The following ADCK1 variants were observed in gnomAD, a reference collection of about 807,000 sequenced individuals.
The protein encoded by ADCK1 is aarF domain-containing protein kinase 1.
In ADCK1, 41 loss-of-function variants were observed where a neutral mutation model predicts 52.3. The ratio of observed to expected loss-of-function variants is 0.78; its 90% CI spans 0.61 to 1.02. ADCK1 has a LOEUF of 1.02. Among genes scored for constraint, ADCK1 ranks in the 50% least tolerant of loss-of-function variants. ADCK1 has a pLI of 0.00. For synonymous variants in ADCK1, 250 were observed against 274.6 expected (o/e 0.91, Z 0.89); for missense variants, 658 against 679.5 (o/e 0.97, Z 0.35).
At chr14:77,907,756 G>A (rs117592165) in intron 6 of ADCK1, 47 bp from the exon 7 acceptor site, 17,229 of 1,468,884 alleles carry the variant, frequency 0.012, 146 homozygotes, top group Non-Finnish European at 0.014. Context: ...ATCCTTGCCC[G>A]ATTCCCAGCT....
chr14:77,907,848 A>T lies in ADCK1; in HGVS notation c.787A>T (p.Met263Leu), dbSNP rs1264461581. 1 of 1,613,768 alleles carries T rather than the reference A, an allele frequency of 6.2e-7. No individual in the cohort carries two copies. Among genetic ancestry groups the T allele is most frequent in the Non-Finnish European group, 8.5e-7 (1 of 1,179,920 alleles). Reference protein sequence around the residue: ...WDLSTERVLLMEFVDGGQVND... With the variant: ...WDLSTERVLLLEFVDGGQVND... ...CCTGTCCACGGAGCGGGTCCTCCTGATGGAGTTTGTGGATGGCGGGCAGGT... is the reference window on the plus strand; with the variant it reads ...CCTGTCCACGGAGCGGGTCCTCCTGTTGGAGTTTGTGGATGGCGGGCAGGT... Residue 263 changes from methionine (M) to leucine (L), a missense_variant, in exon 7 of 11, where the codon ATG becomes TTG. Met to Leu is a conservative substitution (Grantham distance 15). Transcript: ENST00000238561.
chr14:77,856,108 G>T (rs954774619), intron 3 of ADCK1, among the ~76,000 whole-genome samples: 2 of 152,112 alleles, frequency 1.3e-5, no homozygotes, highest in African/African-American at 2.4e-5. Context: ...TACTCAGGAG[G>T]CTGAGGCAGG....
Position 77,897,292 on chromosome 14 carries a change from C to T in ADCK1, c.583-1808C>T, listed in dbSNP as rs186836008. Among the ~76,000 whole-genome samples, 19 of 152,308 alleles carry T rather than the reference C, an allele frequency of 1.2e-4. 1 individual carries two copies. Among genetic ancestry groups the T allele is most frequent in the African/African-American group, 2.6e-4 (11 of 41,566 alleles). ...GCCAGCAGGAGAGCTTATGGGAGGT[C>T]AGGGCCCTTCTGTTTCCCTCCCAGA... On this transcript the variant is annotated intron_variant, in intron 5 of 10. Transcript: ENST00000238561.
At chr14:77,896,431 C>T (rs914123003) in intron 5 of ADCK1, among the ~76,000 whole-genome samples, 1 of 152,254 alleles carries the variant, frequency 6.6e-6, no homozygotes, top group South Asian at 2.1e-4. Flanking sequence ...TGGCCCCTTT[C>T]CTTGCCCCTC....
intron 3 of ADCK1, among the ~76,000 whole-genome samples, chr14:77,828,154 G>A (rs1383660440): frequency 6.6e-6 from 1 of 152,050 alleles, no homozygotes; most frequent in African/African-American, 2.4e-5. Context: ...AGTAGAGATG[G>A]GGTTTCACCA....
chr14:77,903,437 C>T (rs896757529), intron 6 of ADCK1, among the ~76,000 whole-genome samples: 1 of 152,208 alleles, frequency 6.6e-6, no homozygotes, highest in Non-Finnish European at 1.5e-5. Context: ...AACCTCAGCC[C>T]TGTGCTATAA....
At chr14:77,804,174 A>G (rs919727771) in intron 1 of ADCK1, among the ~76,000 whole-genome samples, 4 of 152,126 alleles carry the variant, frequency 2.6e-5, no homozygotes, top group Non-Finnish European at 4.4e-5. Flanking sequence ...CTGTTAGGAG[A>G]GGTGACTCAG....
intron 5 of ADCK1, among the ~76,000 whole-genome samples, chr14:77,898,345 G>A (rs1338479438): frequency 6.6e-6 from 1 of 152,196 alleles, no homozygotes; most frequent in Non-Finnish European, 1.5e-5. Flanking sequence ...AGTAAGTAAA[G>A]TGCTTAGTTT....
intron 3 of ADCK1, among the ~76,000 whole-genome samples, chr14:77,839,905 T>G (rs1594911697): frequency 2.9e-5 from 3 of 104,710 alleles, no homozygotes; most frequent in Non-Finnish European, 5.3e-5. Flanking sequence ...GGGGACAGAG[T>G]GAGACCCTGT....
In ADCK1 at chr14:77,933,216, C is replaced by T; in HGVS notation, c.1401-4C>T. The T allele has an allele frequency of 6.2e-7, 1 of 1,609,308 alleles. No homozygotes were observed. The highest frequency in any genetic ancestry group is 8.5e-7 in the Non-Finnish European group (1 of 1,177,062). On this transcript the variant is annotated splice_region_variant and splice_polypyrimidine_tract_variant and intron_variant, in intron 10 of 10. Transcript: ENST00000238561. ...TTTCTCCTTTTTTCTTTCCCTTTTT[C>T]CAGGCACAAGAAGAAGAATACCTGT...
chr14:77,845,437 T>C (rs2082155442), intron 3 of ADCK1, among the ~76,000 whole-genome samples: 1 of 152,214 alleles, frequency 6.6e-6, no homozygotes, highest in Non-Finnish European at 1.5e-5. Context: ...TCTTCCTTTT[T>C]GTTGAGACTG....
chr14:77,917,934 G>T (rs935528842), intron 7 of ADCK1, among the ~76,000 whole-genome samples: 4 of 152,180 alleles, frequency 2.6e-5, no homozygotes, highest in Admixed American at 2.6e-4. Flanking sequence ...ATAACGGAGC[G>T]ATTGAGGCCT....
intron 5 of ADCK1, among the ~76,000 whole-genome samples, chr14:77,890,747 G>A (rs2083266380): frequency 6.6e-6 from 1 of 152,202 alleles, no homozygotes; most frequent in African/African-American, 2.4e-5. Context: ...GGGTGAAAAA[G>A]AATTGAGACT....
At chr14:77,901,681 C>T (rs1020207892) in intron 6 of ADCK1, among the ~76,000 whole-genome samples, 7 of 152,282 alleles carry the variant, frequency 4.6e-5, no homozygotes, top group South Asian at 4.1e-4. Context: ...TGAGCCACCG[C>T]GGCCGGCCGG....
At chr14:77,808,300 GGGGTGGTCACTGT>G (rs2081271518) in intron 1 of ADCK1, among the ~76,000 whole-genome samples, 1 of 152,198 alleles carries the variant, frequency 6.6e-6, no homozygotes, top group Non-Finnish European at 1.5e-5. Flanking sequence ...CAGTGACTGA[GGGGTGGTCACTGT>G]GGTATATCTG....
At chr14:77,866,553 C>G (rs1303245404) in intron 4 of ADCK1, among the ~76,000 whole-genome samples, 1 of 152,156 alleles carries the variant, frequency 6.6e-6, no homozygotes, top group East Asian at 1.9e-4. Context: ...TCCCAAGGCC[C>G]TTTGGCAGCT....
intron 1 of ADCK1, 101 bp downstream of exon 1, chr14:77,800,271 G>C (rs1037932491): frequency 6.6e-6 from 1 of 152,332 alleles, no homozygotes. Flanking sequence ...GCATGGACAC[G>C]CCGGGAGTCG....
chr14:77,850,158 G>A lies in ADCK1; in HGVS notation c.220-8918G>A, dbSNP rs2082253193. Among the ~76,000 whole-genome samples the A allele has an allele frequency of 2.0e-5, 3 of 152,194 alleles. No homozygotes were observed. The South Asian group carries it at 6.2e-4, about 32-fold the overall frequency. On this transcript the variant is annotated intron_variant, in intron 3 of 10. Coordinates refer to ENST00000238561, the MANE Select transcript of ADCK1 (RefSeq NM_020421.4). ...AGAGTTCAAGGCTGCAGTAAACAATGATGGTGTCACTATACTTCAGCCTAG... is the reference window on the plus strand; with the variant it reads ...AGAGTTCAAGGCTGCAGTAAACAATAATGGTGTCACTATACTTCAGCCTAG...
chr14:77,895,886 C>T (rs1407484371), intron 5 of ADCK1, among the ~76,000 whole-genome samples: 2 of 152,102 alleles, frequency 1.3e-5, no homozygotes, highest in East Asian at 1.9e-4. Context: ...TGGTGACCTC[C>T]TATAAAGGGG....
Sources: gnomAD v4.1 joint callset for allele counts (sites outside exome capture counted in the v4.1 genomes callset) on GRCh38, gnomAD v4.1.1 for gene constraint, MANE v1.5 for transcripts, NCBI Gene and HGNC (gene_info 2026-07-23, HGNC 2026-07-21) for gene names.